Variants in ANKRD11 observed in about 807,000 individuals in gnomAD.
ANKRD11 encodes the protein ankyrin repeat domain-containing protein 11.
Under a neutral mutation model 195.7 loss-of-function variants are expected in ANKRD11, and 17 were observed. The ratio of observed to expected loss-of-function variants is 0.09; its 90% CI spans 0.06 to 0.13. The LOEUF (loss-of-function observed/expected upper bound fraction) is 0.13, where lower values mean the gene tolerates loss of function less well. ANKRD11 is among the 10% of genes least tolerant of loss of function. The probability of loss-of-function intolerance (pLI) is 1.00; values close to 1 mark genes in which losing one functional copy is unlikely to be tolerated. For missense variants in ANKRD11, 3,735 were observed against 3,566.1 expected, an observed-to-expected ratio of 1.05 and a Z score of -1.21; for synonymous variants, 1,953 against 1,528.1, an observed-to-expected ratio of 1.28 and a Z score of -6.49.
rs71134215 is a variant in ANKRD11, at chr16:89,388,293, ATTTTT to A, written c.-60+29986_-60+29990del. Among the ~76,000 whole-genome samples the A allele has an allele frequency of 5.4e-3, 457 of 85,296 alleles. 6 individuals are homozygous for A. The highest frequency in any genetic ancestry group is 0.018 in the African/African-American group (430 of 23,356). 56.0% of individuals were successfully genotyped at this position (85,296 alleles called of 152,430 possible). A position where few individuals can be genotyped will look rare whatever the true frequency, so the allele number is the denominator to read the frequency against. Reference sequence around the variant, plus strand: ...GTGCTCTCTTCTCTCCATGAGGCTGATTTTTTTTTTTTTTTTTTTTTTGAGACGGA... The same window carrying A: ...GTGCTCTCTTCTCTCCATGAGGCTGATTTTTTTTTTTTTTTTTGAGACGGA... On this transcript the variant is annotated intron_variant, in intron 2 of 12. Transcript: ENST00000301030.
At position 89,334,170 on chromosome 16, in the gene ANKRD11, A is replaced by AAAAAAAAAAAAC. The variant is rs2038222478; in HGVS notation, c.-59-17093_-59-17092insGTTTTTTTTTTT. Reference sequence around the variant, plus strand: ...AAAAAAAAAAAAAAAAAAAAAAAAAAAAACAGAGAGAGAGAGAAAGAAAGA... The same window carrying AAAAAAAAAAAAC: ...AAAAAAAAAAAAAAAAAAAAAAAAAAAAAAAAAAAAACAAACAGAGAGAGAGAGAAAGAAAGA... On this transcript the variant is annotated intron_variant, in intron 2 of 12. Coordinates refer to ENST00000301030, the MANE Select transcript of ANKRD11 (RefSeq NM_013275.6). Among the ~76,000 whole-genome samples, 2 of 34,412 alleles carry AAAAAAAAAAAAC rather than the reference A, an allele frequency of 5.8e-5. 1 individual carries two copies. The highest frequency in any genetic ancestry group is 1.6e-4 in the African/African-American group (2 of 12,824). 22.6% of individuals were successfully genotyped at this position (34,412 alleles called of 152,430 possible).
At chr16:89,341,105 T>C (rs1478630785) in intron 2 of ANKRD11, among the ~76,000 whole-genome samples, 1 of 152,330 alleles carries the variant, frequency 6.6e-6, no homozygotes, top group South Asian at 2.1e-4. Flanking sequence ...TCATGTGGAC[T>C]GTTTATATGC....
At chr16:89,479,699 C>T (rs757251947) in intron 1 of ANKRD11, among the ~76,000 whole-genome samples, 1 of 151,500 alleles carries the variant, frequency 6.6e-6, no homozygotes, top group African/African-American at 2.4e-5. Context: ...AATCCCAGCA[C>T]TTTGGGAGGC....
chr16:89,301,191 T>C, intron 4 of ANKRD11: 1 of 444,860 alleles, frequency 2.2e-6, no homozygotes, highest in South Asian at 4.7e-5. Flanking sequence ...ACTGCAGCCT[T>C]GACCTCCTAG....
At chr16:89,341,900 A>T (rs937682552) in intron 2 of ANKRD11, among the ~76,000 whole-genome samples, 337 of 115,472 alleles carry the variant, frequency 2.9e-3, no homozygotes, top group African/African-American at 6.3e-3. Context: ...CTGCACCTCC[A>T]CCCACAGCGG....
At chr16:89,340,768 C>A (rs1382239692) in intron 2 of ANKRD11, among the ~76,000 whole-genome samples, 2 of 152,156 alleles carry the variant, frequency 1.3e-5, no homozygotes, top group African/African-American at 4.8e-5. Context: ...TTGGAAGAGG[C>A]ACAAGGGCCC....
rs533151854 is a variant in ANKRD11, at chr16:89,411,726, G to A, written c.-60+6558C>T. ...ATTCGGAACCCACCACTATCCCCTT[G>A]TTGACAGTAAGCACATCCCAAATCA... On this transcript the variant is annotated intron_variant, in intron 2 of 12. Transcript: ENST00000301030. 9.9e-5 allele frequency among the ~76,000 whole-genome samples: 15 copies of A among 152,196 alleles called. No individual in the cohort carries two copies. The East Asian group carries it at 2.9e-3, about 29-fold the overall frequency.
In ANKRD11 at chr16:89,313,504, C is replaced by T. The variant is rs369001906; in HGVS notation, c.87+3429G>A. 1.9e-4 allele frequency: 242 copies of T among 1,289,090 alleles called. 2 individuals carry two copies. The highest frequency in any genetic ancestry group is 4.2e-4 in the Middle Eastern group (2 of 4,712). The allele number at this position is 1,289,090 out of a possible 1,614,324, so 79.9% of individuals were successfully genotyped here. A position where few individuals can be genotyped will look rare whatever the true frequency, so the allele number is the denominator to read the frequency against. On this transcript the variant is annotated intron_variant, in intron 3 of 12. Transcript: ENST00000301030. The stretch of plus-strand genomic sequence containing the variant: ...ACACGCACAAGCCGTCAGGTCAGCG[C>T]GGCATCAGGATGCACTGCAGAGTTG...
In ANKRD11 at chr16:89,275,116, G is replaced by A. The variant is rs769512532; in HGVS notation, c.7546C>T (p.Arg2516Cys). 1.7e-5 allele frequency: 28 copies of A among 1,612,736 alleles called. No individual in the cohort carries two copies. The highest frequency in any genetic ancestry group is 2.0e-5 in the Non-Finnish European group (24 of 1,179,650). Residue 2516 changes from arginine (R) to cysteine (C), a missense_variant, in exon 10 of 13, where the codon CGT becomes TGT. Coordinates refer to ENST00000301030, the MANE Select transcript of ANKRD11 (RefSeq NM_013275.6). ...RQQEAVRGKL[R>C]LQHSIEREKL... ...ACCCGCTCGATGCTGTGCTGTAGAC[G>A]CAGCTTTCCCCGGACGGCCTCCTGC... is the stretch of plus-strand genomic sequence containing the variant.
chr16:89,322,175 T>C (rs1421032089), intron 2 of ANKRD11, among the ~76,000 whole-genome samples: 1 of 152,228 alleles, frequency 6.6e-6, no homozygotes, highest in Admixed American at 6.5e-5. Flanking sequence ...ACCCCTGTAT[T>C]GTTCAAGGGT....
intron 2 of ANKRD11, among the ~76,000 whole-genome samples, chr16:89,396,501 G>T (rs2041437056): frequency 6.6e-6 from 1 of 152,042 alleles, no homozygotes; most frequent in African/African-American, 2.4e-5. Context: ...ATATCAAAAA[G>T]CTATTTATTA....
At chr16:89,446,909 T>C (rs1347381328) in intron 1 of ANKRD11, among the ~76,000 whole-genome samples, 1 of 151,912 alleles carries the variant, frequency 6.6e-6, no homozygotes. Context: ...ACACCCTCTG[T>C]CCCTGCAGTT....
At chr16:89,455,332 C>T (rs1387159763) in intron 1 of ANKRD11, among the ~76,000 whole-genome samples, 1 of 152,082 alleles carries the variant, frequency 6.6e-6, no homozygotes, top group Non-Finnish European at 1.5e-5. Context: ...CCTCAAGCTG[C>T]TCCCATGGGT....
At chr16:89,294,583 G>A (rs1233451503) in intron 4 of ANKRD11, among the ~76,000 whole-genome samples, 1 of 152,186 alleles carries the variant, frequency 6.6e-6, no homozygotes, top group Non-Finnish European at 1.5e-5. Flanking sequence ...CTGGGGTAGA[G>A]GGAAAGCCCC....
intron 1 of ANKRD11, among the ~76,000 whole-genome samples, chr16:89,477,843 G>A (rs2057308750): frequency 6.6e-6 from 1 of 151,902 alleles, no homozygotes; most frequent in Non-Finnish European, 1.5e-5. Context: ...GTGGTGGCAG[G>A]CAGGAGAACT....
intron 1 of ANKRD11, among the ~76,000 whole-genome samples, chr16:89,469,854 C>T (rs1444847813): frequency 1.3e-5 from 2 of 148,768 alleles, no homozygotes; most frequent in African/African-American, 5.0e-5. Context: ...GCCAAGATCG[C>T]GCCCGGAGAC....
intron 4 of ANKRD11, among the ~76,000 whole-genome samples, chr16:89,303,372 C>T (rs1003057181): frequency 1.3e-5 from 2 of 152,306 alleles, no homozygotes; most frequent in East Asian, 1.9e-4. Flanking sequence ...GCCTAAAGCC[C>T]GAGAGTACAC....
intron 1 of ANKRD11, among the ~76,000 whole-genome samples, chr16:89,456,815 G>T (rs1039214761): frequency 2.0e-4 from 30 of 152,216 alleles, no homozygotes; most frequent in African/African-American, 6.5e-4. Context: ...CTGCGGAGAA[G>T]TGGAGCGCTT....
intron 2 of ANKRD11, among the ~76,000 whole-genome samples, chr16:89,357,453 C>G (rs2039535743): frequency 6.6e-6 from 1 of 152,004 alleles, no homozygotes; most frequent in Admixed American, 6.6e-5. Flanking sequence ...CAAAAAAAAA[C>G]AGTGTGACGA....
Sources: allele counts gnomAD v4.1 joint callset (sites outside exome capture counted in the v4.1 genomes callset), GRCh38; gene constraint gnomAD v4.1.1; transcripts MANE v1.5; gene names NCBI Gene and HGNC (gene_info 2026-07-23, HGNC 2026-07-21).